Variants in WDFY4 observed in about 807,000 individuals in gnomAD.
WDFY4 encodes the protein WDFY family member 4.
Under a neutral mutation model 351.9 loss-of-function variants are expected in WDFY4, and 169 were observed. The observed-to-expected ratio is 0.48, with a 90% confidence interval of 0.42 to 0.55. The LOEUF (loss-of-function observed/expected upper bound fraction) is 0.55, where lower values mean the gene tolerates loss of function less well. WDFY4 is among the 20% of genes least tolerant of loss of function. WDFY4 has a pLI of 0.00. For missense variants in WDFY4, 3,803 were observed against 3,935.6 expected, an observed-to-expected ratio of 0.97 and a Z score of 0.90; for synonymous variants, 1,622 against 1,574.6, an observed-to-expected ratio of 1.03 and a Z score of -0.71.
At position 48,731,412 on chromosome 10, in the gene WDFY4, C is replaced by T; in HGVS notation, c.1432C>T (p.Pro478Ser). Reference sequence around the variant, plus strand: ...GGTACAGCATCTGATCAAGGAGAGCCCTGGGCCATCCTGCACCCTCATGGC... The same window carrying T: ...GGTACAGCATCTGATCAAGGAGAGCTCTGGGCCATCCTGCACCCTCATGGC... ...RKVQHLIKES[P>S]GPSCTLMALQ... The change falls in exon 9 of 62, where the codon CCT becomes TCT. Residue 478 changes from proline to serine, a missense_variant. Physicochemically the swap from Pro to Ser is moderately conservative, Grantham distance 74. This residue lies in a region of WDFY4 where 261 missense variants were observed against 330.2 expected (regional missense o/e 0.79). Transcript: ENST00000325239. 1 of 1,551,736 alleles carries T rather than the reference C, an allele frequency of 6.4e-7. No homozygotes were observed. The highest frequency in any genetic ancestry group is 8.7e-7 in the Non-Finnish European group (1 of 1,147,010).
chr10:48,801,462 T>C (rs2067086062), intron 24 of WDFY4: 1 of 454,210 alleles, frequency 2.2e-6, no homozygotes, highest in African/African-American at 2.0e-5. Context: ...ACTGCCTTCA[T>C]GAATCAATAT....
chr10:48,961,990 G>A (rs1187197775), intron 53 of WDFY4, among the ~76,000 whole-genome samples: 1 of 152,186 alleles, frequency 6.6e-6, no homozygotes, highest in Admixed American at 6.5e-5. Context: ...CTTAGGGAAA[G>A]CCAGGCTTCA....
At chr10:48,730,648 C>G (rs968867433) in intron 8 of WDFY4, among the ~76,000 whole-genome samples, 5 of 152,174 alleles carry the variant, frequency 3.3e-5, no homozygotes, top group African/African-American at 9.7e-5. Context: ...TAGCCCAATG[C>G]TCTCCAATGG....
rs1054882999 is a variant in WDFY4, at chr10:48,780,168, C to T, written c.3576+49C>T. The T allele has an allele frequency of 1.9e-6, 3 of 1,544,080 alleles. No individual in the cohort carries two copies. In the African/African-American group the frequency reaches 4.1e-5, roughly 21 times the overall value. On this transcript the variant is annotated intron_variant, in intron 19 of 61. Coordinates refer to ENST00000325239, the MANE Select transcript of WDFY4 (RefSeq NM_001394531.1). ...ACTTGCCCCACAACCATACCTCCTGCTACTACCCTGAAGTGGCCTCGGTTT... is the reference window on the plus strand; with the variant it reads ...ACTTGCCCCACAACCATACCTCCTGTTACTACCCTGAAGTGGCCTCGGTTT...
intron 32 of WDFY4, among the ~76,000 whole-genome samples, chr10:48,819,944 T>G (rs1025197617): frequency 2.0e-5 from 3 of 152,210 alleles, no homozygotes; most frequent in Admixed American, 2.0e-4. Context: ...CTTGGAGATG[T>G]GAAGCAGCTT....
chr10:48,720,491 A>G (rs2064047682), intron 3 of WDFY4, among the ~76,000 whole-genome samples: 1 of 152,042 alleles, frequency 6.6e-6, no homozygotes, highest in Non-Finnish European at 1.5e-5. Context: ...AGACACATAC[A>G]CATACACTAC....
At chr10:48,945,078 G>A (rs1840970420) in intron 49 of WDFY4, among the ~76,000 whole-genome samples, 2 of 152,164 alleles carry the variant, frequency 1.3e-5, no homozygotes, top group African/African-American at 4.8e-5. Flanking sequence ...ACTGCTAGTG[G>A]AAAGAAAGGG....
At position 48,788,650 on chromosome 10, in the gene WDFY4, T is replaced by C; in HGVS notation, c.3929T>C (p.Val1310Ala). Residue 1310 changes from valine (V) to alanine (A), a missense_variant, in exon 21 of 62, where the codon GTG becomes GCG. Around this residue, in one of 3 missense-constraint regions of WDFY4, gnomAD observed 3,054 missense variants for 3,148.6 expected, o/e 0.97. Coordinates refer to ENST00000325239, the MANE Select transcript of WDFY4 (RefSeq NM_001394531.1). The stretch of plus-strand genomic sequence containing the variant: ...GACATCAGAAATGCTTACAATGAGG[T>C]GGACAGCCGCCTGATCGCCAAAGAG... ...VADIRNAYNEVDSRLIAKEMN... is the reference protein window; with the variant it reads ...VADIRNAYNEADSRLIAKEMN... 2 of 1,551,716 alleles carry C rather than the reference T, an allele frequency of 1.3e-6. No individual in the cohort carries two copies.
At chr10:48,770,154 A>G (rs986080247) in intron 13 of WDFY4, among the ~76,000 whole-genome samples, 1 of 152,272 alleles carries the variant, frequency 6.6e-6, no homozygotes, top group Non-Finnish European at 1.5e-5. Flanking sequence ...ACAGAGCTGC[A>G]GTGATAATGA....
At chr10:48,879,644 G>A (rs1415095662) in intron 43 of WDFY4, among the ~76,000 whole-genome samples, 1 of 152,174 alleles carries the variant, frequency 6.6e-6, no homozygotes, top group Non-Finnish European at 1.5e-5. Flanking sequence ...CATTTGTGGG[G>A]CCTCATGTCT....
intron 2 of WDFY4, among the ~76,000 whole-genome samples, chr10:48,711,195 G>C (rs936769990): frequency 1.3e-5 from 2 of 152,156 alleles, no homozygotes; most frequent in African/African-American, 4.8e-5. Context: ...ACGTTTATAG[G>C]ATGCATTCCA....
At chr10:48,958,722 T>C (rs1466836090) in intron 52 of WDFY4, among the ~76,000 whole-genome samples, 1 of 152,184 alleles carries the variant, frequency 6.6e-6, no homozygotes, top group African/African-American at 2.4e-5. Flanking sequence ...ATTTCTATAC[T>C]GTAAGTGAAA....
intron 2 of WDFY4, among the ~76,000 whole-genome samples, chr10:48,716,568 A>G (rs567459763): frequency 6.6e-6 from 1 of 152,316 alleles, no homozygotes; most frequent in African/African-American, 2.4e-5. Context: ...GGCTCTGTGC[A>G]TCAAACAGCA....
At chr10:48,975,403 A>G (rs1331015791) in intron 58 of WDFY4, among the ~76,000 whole-genome samples, 2 of 152,154 alleles carry the variant, frequency 1.3e-5, no homozygotes, top group African/African-American at 4.8e-5. Flanking sequence ...TCTTCATGGC[A>G]GTGCAAGCTT....
intron 19 of WDFY4, among the ~76,000 whole-genome samples, chr10:48,784,959 G>A (rs1460895456): frequency 1.3e-5 from 2 of 149,234 alleles, no homozygotes; most frequent in South Asian, 2.1e-4. Context: ...CTGGGTTCGC[G>A]CCATTCTCCT....
At chr10:48,914,254 T>C (rs558867855) in intron 47 of WDFY4, 228 of 1,349,310 alleles carry the variant, frequency 1.7e-4, no homozygotes, top group Non-Finnish European at 2.2e-4. Context: ...TAAGAAAACA[T>C]CTGGTTAGGA....
At chr10:48,940,949 A>G (rs1191191391) in intron 47 of WDFY4, among the ~76,000 whole-genome samples, 1 of 152,206 alleles carries the variant, frequency 6.6e-6, no homozygotes. Context: ...AGCCATGTAC[A>G]TTAGTATGGC....
intron 28 of WDFY4, 58 bp downstream of exon 28, chr10:48,808,016 T>C: frequency 7.3e-7 from 1 of 1,361,906 alleles, no homozygotes. Flanking sequence ...GGGTGTGGCA[T>C]TAAACCTTTT....
At chr10:48,858,616 C>T (rs2620894) in intron 39 of WDFY4, among the ~76,000 whole-genome samples, 2 of 151,970 alleles carry the variant, frequency 1.3e-5, no homozygotes, top group East Asian at 1.9e-4. Context: ...TATGAGTATA[C>T]TAAGTCTTGA....
Sources: allele counts gnomAD v4.1 joint callset (sites outside exome capture counted in the v4.1 genomes callset), GRCh38; gene constraint gnomAD v4.1.1; regional missense constraint gnomAD v4.1.1; transcripts MANE v1.5; gene names NCBI Gene and HGNC (gene_info 2026-07-23, HGNC 2026-07-21).